DYM: variants seen among roughly 807,000 people sequenced by gnomAD.
DYM encodes dymeclin.
In DYM, 78 loss-of-function variants were observed where a neutral mutation model predicts 93.1. The observed-to-expected ratio is 0.84, with a 90% CI of 0.70 to 1.01. DYM has a LOEUF of 1.01. Ranked by LOEUF, DYM falls within the 50% of genes least tolerant of loss-of-function variation. The pLI, the probability that DYM is intolerant of heterozygous loss-of-function variation, is 0.00. For synonymous variants in DYM, 321 were observed against 319.7 expected (o/e 1.00, Z -0.04); for missense variants, 789 against 845.0 (o/e 0.93, Z 0.82).
chr18:49,245,758 G>A (rs779107855), intron 13 of DYM, among the ~76,000 whole-genome samples: 116 of 152,100 alleles, frequency 7.6e-4, no homozygotes, highest in Non-Finnish European at 1.0e-3. Context: ...CTCCCTGTTC[G>A]TACACCCCCT....
At chr18:49,180,844 G>A (rs1184397809) in intron 14 of DYM, among the ~76,000 whole-genome samples, 3 of 152,054 alleles carry the variant, frequency 2.0e-5, no homozygotes, top group Admixed American at 6.6e-5. Context: ...TAAATTGAGG[G>A]AATTAATGTA....
At chr18:49,051,937 C>T (rs902363287) in intron 17 of DYM, among the ~76,000 whole-genome samples, 2 of 152,246 alleles carry the variant, frequency 1.3e-5, no homozygotes, top group South Asian at 2.1e-4. Flanking sequence ...GACAGCACTG[C>T]GCATTCCCCG....
chr18:49,404,920 G>A (rs989526765), intron 2 of DYM, among the ~76,000 whole-genome samples: 1 of 151,718 alleles, frequency 6.6e-6, no homozygotes, highest in Non-Finnish European at 1.5e-5. Context: ...GGCTGAAGCA[G>A]GAGAACTGCT....
chr18:49,445,166 T>C (rs2081992614), intron 1 of DYM, among the ~76,000 whole-genome samples: 1 of 152,224 alleles, frequency 6.6e-6, no homozygotes, highest in South Asian at 2.1e-4. Context: ...ATGAAATAAT[T>C]AAATAATTTA....
chr18:49,196,462 C>T (rs886940355), intron 14 of DYM, among the ~76,000 whole-genome samples: 74 of 152,066 alleles, frequency 4.9e-4, no homozygotes, highest in Non-Finnish European at 7.5e-4. Context: ...CACACACACA[C>T]ACACATTTTC....
At chr18:49,073,571 G>T (rs1327662058) in intron 17 of DYM, among the ~76,000 whole-genome samples, 2 of 152,092 alleles carry the variant, frequency 1.3e-5, no homozygotes, top group African/African-American at 4.8e-5. Context: ...AATCTGAAAC[G>T]AGTGAGCTTT....
chr18:49,223,020 T>G lies in DYM; in HGVS notation c.1461-13305A>C, dbSNP rs983567725. Among the ~76,000 whole-genome samples the G allele has an allele frequency of 3.9e-5, 6 of 152,136 alleles. No individual in the cohort carries two copies. In the South Asian group the frequency reaches 1.2e-3, roughly 32 times the overall value. On this transcript the variant is annotated intron_variant, in intron 13 of 17. Coordinates refer to ENST00000675505, the MANE Select transcript of DYM (RefSeq NM_001353214.3). ...TTATGTATCTCCTGATATGATAGAA[T>G]ATGAAATAAACAGGAACACGTATTA... is the stretch of plus-strand genomic sequence containing the variant.
intron 16 of DYM, among the ~76,000 whole-genome samples, chr18:49,113,989 A>C (rs1220367409): frequency 6.6e-6 from 1 of 152,170 alleles, no homozygotes; most frequent in Non-Finnish European, 1.5e-5. Context: ...GGCCTGGTTG[A>C]CTGACTTGCT....
chr18:49,223,652 C>T (rs761313932), intron 13 of DYM, among the ~76,000 whole-genome samples: 1 of 151,860 alleles, frequency 6.6e-6, no homozygotes, highest in Non-Finnish European at 1.5e-5. Flanking sequence ...TAACAAAGTA[C>T]TACAGATGAA....
At chr18:49,396,580 T>C (rs1351987951) in intron 2 of DYM, among the ~76,000 whole-genome samples, 1 of 152,192 alleles carries the variant, frequency 6.6e-6, no homozygotes, top group Non-Finnish European at 1.5e-5. Flanking sequence ...TCAACCTCTA[T>C]ATCCAAAGAA....
chr18:49,250,767 TTTTTTCTAGTTCCAGACCACA>T (rs1187528410), intron 13 of DYM, among the ~76,000 whole-genome samples: 2 of 152,338 alleles, frequency 1.3e-5, no homozygotes, highest in East Asian at 3.9e-4. Context: ...CTGCCTCAAC[TTTTTTCTAGTTCCAGACCACA>T]TTTATCTAGA....
At chr18:49,229,225 G>T (rs1193130095) in intron 13 of DYM, among the ~76,000 whole-genome samples, 4 of 151,680 alleles carry the variant, frequency 2.6e-5, no homozygotes, top group Non-Finnish European at 4.4e-5. Context: ...ACAATAAGAG[G>T]TATAAGAACA....
chr18:49,397,566 AC>A (rs997642263), intron 2 of DYM, among the ~76,000 whole-genome samples: 5 of 152,220 alleles, frequency 3.3e-5, no homozygotes, highest in African/African-American at 1.2e-4. Context: ...ACTCTTTTGT[AC>A]CAGCTTTAAA....
chr18:49,083,113 G>T (rs2078202617), intron 17 of DYM, among the ~76,000 whole-genome samples: 1 of 152,108 alleles, frequency 6.6e-6, no homozygotes, highest in Admixed American at 6.5e-5. Flanking sequence ...ACAACTACTT[G>T]ACTCTGCTAC....
At chr18:49,318,794 TTTC>T (rs2062213761) in intron 8 of DYM, among the ~76,000 whole-genome samples, 1 of 147,510 alleles carries the variant, frequency 6.8e-6, no homozygotes, top group African/African-American at 2.6e-5. Context: ...ATTATTTCTT[TTTC>T]TTTTTTTTTT....
intron 13 of DYM, among the ~76,000 whole-genome samples, chr18:49,249,503 G>C (rs1184338521): frequency 1.3e-5 from 2 of 152,178 alleles, no homozygotes; most frequent in African/African-American, 4.8e-5. Flanking sequence ...AAGTGAGGAA[G>C]CCTGTTGGGG....
At chr18:49,292,775 A>C (rs2145989798) in intron 8 of DYM, among the ~76,000 whole-genome samples, 1 of 152,174 alleles carries the variant, frequency 6.6e-6, no homozygotes, top group South Asian at 2.1e-4. Flanking sequence ...TCTAACTAAA[A>C]ACTAAAAACT....
intron 13 of DYM, among the ~76,000 whole-genome samples, chr18:49,230,362 A>G (rs2093658482): frequency 6.6e-6 from 1 of 152,148 alleles, no homozygotes; most frequent in South Asian, 2.1e-4. Context: ...TTTGTCTTTA[A>G]AAACCTTTGA....
At chr18:49,344,435 CAA>C (rs1339431306) in intron 6 of DYM, among the ~76,000 whole-genome samples, 1 of 151,920 alleles carries the variant, frequency 6.6e-6, no homozygotes, top group Non-Finnish European at 1.5e-5. Flanking sequence ...AGCCAAAGAA[CAA>C]GAGATGTCAC....
Sources: gnomAD v4.1 joint callset for allele counts (sites outside exome capture counted in the v4.1 genomes callset) on GRCh38, gnomAD v4.1.1 for gene constraint, MANE v1.5 for transcripts, NCBI Gene and HGNC (gene_info 2026-07-23, HGNC 2026-07-21) for gene names.